ZNF234: variants seen among roughly 807,000 people sequenced by gnomAD.
The protein encoded by ZNF234 is zinc finger protein 234.
In ZNF234, 4 loss-of-function variants were observed where a neutral mutation model predicts 10.3. The ratio of observed to expected loss-of-function variants is 0.39; its 90% CI spans 0.19 to 0.89. The LOEUF (loss-of-function observed/expected upper bound fraction) is 0.89, where lower values mean the gene tolerates loss of function less well. ZNF234 is among the 40% of genes least tolerant of loss of function. The pLI is 0.38. For synonymous variants in ZNF234, 258 were observed against 280.1 expected (o/e 0.92, Z 0.79); for missense variants, 711 against 836.1 (o/e 0.85, Z 1.85).
At position 44,157,935 on chromosome 19, in the gene ZNF234, A is replaced by G; in HGVS notation, c.1919A>G (p.Gln640Arg). ...GKVFSRSSQL[Q>R]YHRRVHTGEK... ...GTCTTCAGTCGGTCTTCACAATTACAGTATCATAGGCGAGTTCACACTGGG... is the reference window on the plus strand; with the variant it reads ...GTCTTCAGTCGGTCTTCACAATTACGGTATCATAGGCGAGTTCACACTGGG... Residue 640 changes from glutamine to arginine, a missense_variant, in exon 6 of 6, where the codon CAG becomes CGG. Transcript: ENST00000426739. The G allele has an allele frequency of 6.2e-7, 1 of 1,614,072 alleles. No individual in the cohort carries two copies. The highest frequency in any genetic ancestry group is 8.5e-7 in the Non-Finnish European group (1 of 1,179,978).
Position 44,156,416 on chromosome 19 carries a change from G to A in ZNF234, c.400G>A (p.Val134Ile), listed in dbSNP as rs140461763. Residue 134 changes from valine to isoleucine, a missense_variant, in exon 6 of 6, where the codon GTT (valine) becomes ATT (isoleucine). Coordinates refer to ENST00000426739, the MANE Select transcript of ZNF234 (RefSeq NM_006630.3). The part of the protein sequence containing the change: ...FPRQGDLSCQ[V>I]RAGLYTTHTG... ...CAGACAAGGTGATTTGTCCTGCCAG[G>A]TTAGGGCAGGACTATATACAACTCA... is the stretch of plus-strand genomic sequence containing the variant. The A allele has an allele frequency of 6.8e-6, 11 of 1,613,540 alleles. No individual in the cohort carries two copies. The highest frequency in any genetic ancestry group is 2.7e-5 in the African/African-American group (2 of 75,004).
intron 5 of ZNF234, among the ~76,000 whole-genome samples, chr19:44,151,718 G>C (rs1418092539): frequency 6.6e-6 from 1 of 152,100 alleles, no homozygotes; most frequent in Non-Finnish European, 1.5e-5. Flanking sequence ...AAATTTCATA[G>C]CTTGTGGCCC....
Position 44,158,468 on chromosome 19 carries a change from T to C in ZNF234, c.*349T>C. 3.1e-6 allele frequency: 1 copy of C among 321,760 alleles called. No individual in the cohort carries two copies. Among genetic ancestry groups the C allele is most frequent in the Non-Finnish European group, 6.0e-6 (1 of 167,642 alleles). 19.9% of individuals were successfully genotyped at this position (321,760 alleles called of 1,614,324 possible). ...CATACTGGCCAGGCTGGTCTCAAAC[T>C]CCTGACCTCATGTGATCCACCCACC... On this transcript the variant is annotated 3_prime_UTR_variant, in exon 6 of 6. Coordinates refer to ENST00000426739, the MANE Select transcript of ZNF234 (RefSeq NM_006630.3).
In ZNF234 at chr19:44,144,572, T is replaced by A. The variant is rs369942749; in HGVS notation, c.-61T>A. On this transcript the variant is annotated 5_prime_UTR_variant, in exon 3 of 6. Coordinates refer to ENST00000426739, the MANE Select transcript of ZNF234 (RefSeq NM_006630.3). The stretch of plus-strand genomic sequence containing the variant: ...TCTTCCATAGTGTTCCAGGCACGAT[T>A]CTGCCTTCTCTCAAATGGCATAACT... 1.7e-5 allele frequency: 25 copies of A among 1,453,768 alleles called. No homozygotes were observed. The highest frequency in any genetic ancestry group is 2.3e-5 in the Non-Finnish European group (25 of 1,090,310). The allele number at this position is 1,453,768 out of a possible 1,614,324, so 90.1% of individuals were successfully genotyped here. A position where few individuals can be genotyped will look rare whatever the true frequency, so the allele number is the denominator to read the frequency against.
At chr19:44,150,655 T>C (rs1968718643) in intron 5 of ZNF234, 150 bp downstream of exon 5, 3 of 597,758 alleles carry the variant, frequency 5.0e-6, no homozygotes, top group Non-Finnish European at 8.9e-6. Context: ...GCATCCACCC[T>C]CAATAGTATA....
chr19:44,150,191 A>G (rs1239459134), intron 4 of ZNF234, among the ~76,000 whole-genome samples: 1 of 152,224 alleles, frequency 6.6e-6, no homozygotes, highest in African/African-American at 2.4e-5. Context: ...TACCTAAGGC[A>G]AGCGAACTAA....
At chr19:44,153,347 G>A (rs192613139) in intron 5 of ZNF234, among the ~76,000 whole-genome samples, 11 of 151,732 alleles carry the variant, frequency 7.2e-5, no homozygotes, top group African/African-American at 1.9e-4. Flanking sequence ...AGCAAGAAAC[G>A]CATTTTTCAT....
intron 2 of ZNF234, among the ~76,000 whole-genome samples, chr19:44,144,073 A>G (rs1242183069): frequency 2.0e-5 from 3 of 152,210 alleles, no homozygotes; most frequent in Non-Finnish European, 4.4e-5. Context: ...AGTAATCTTT[A>G]GGAACTTTGC....
In ZNF234 at chr19:44,144,674, T is replaced by C. The variant is rs150341793; in HGVS notation, c.15+27T>C. 8.8e-5 allele frequency: 135 copies of C among 1,531,590 alleles called. 1 individual carries two copies. The highest frequency in any genetic ancestry group is 5.3e-4 in the Middle Eastern group (3 of 5,694). 94.9% of individuals were successfully genotyped at this position (1,531,590 alleles called of 1,614,324 possible). A position where few individuals can be genotyped will look rare whatever the true frequency, so the allele number is the denominator to read the frequency against. On this transcript the variant is annotated intron_variant, in intron 3 of 5. Coordinates refer to ENST00000426739, the MANE Select transcript of ZNF234 (RefSeq NM_006630.3). ...TGAATAAGGCTTGCCACTCTTGCTG[T>C]TAAAATTCCATCTCACTATTCTCAT... is the stretch of plus-strand genomic sequence containing the variant.
intron 5 of ZNF234, among the ~76,000 whole-genome samples, chr19:44,152,746 A>AACTGCTTTCCTTTCAGCAC (rs1968774507): frequency 6.6e-6 from 1 of 152,142 alleles, no homozygotes; most frequent in Non-Finnish European, 1.5e-5. Flanking sequence ...CTAGGTTGCA[A>AACTGCTTTCCTTTCAGCAC]ACTGCTTTCC....
At chr19:44,148,656 AT>A (rs565776360) in intron 3 of ZNF234, 114 bp from the exon 4 acceptor site, 1,482 of 1,429,276 alleles carry the variant, frequency 1.0e-3, no homozygotes, top group Non-Finnish European at 1.1e-3. Context: ...AAATCTACAC[AT>A]TAAGTCTCTG....
At chr19:44,142,471 A>G (rs1232406742) in intron 2 of ZNF234, 104 bp downstream of exon 2, 2 of 152,216 alleles carry the variant, frequency 1.3e-5, no homozygotes, top group African/African-American at 4.8e-5. Flanking sequence ...GCTAACTTCA[A>G]TTCTAGGGGA....
rs1422050618 is a variant in ZNF234 at position 44,141,809 on chromosome 19, CG to C, written c.-131+78del. 2.6e-5 allele frequency: 4 copies of C among 152,232 alleles called. No individual in the cohort carries two copies. Among genetic ancestry groups the C allele is most frequent in the African/African-American group, 9.7e-5 (4 of 41,424 alleles). 9.4% of individuals were successfully genotyped at this position (152,232 alleles called of 1,614,324 possible). ...GGGCTGGGGCTCCCCTCGTGTCCCG[CG>C]GCGGGAGGCGGGGGGCATTGGGACT... On this transcript the variant is annotated intron_variant, in intron 1 of 5. Coordinates refer to ENST00000426739, the MANE Select transcript of ZNF234 (RefSeq NM_006630.3). The surrounding 1 kb of genome is among the most constrained non-coding windows in gnomAD (Gnocchi z 4.6).
At chr19:44,153,187 T>TATATATATATATATATAG in intron 5 of ZNF234, among the ~76,000 whole-genome samples, 1 of 146,008 alleles carries the variant, frequency 6.8e-6, no homozygotes, top group African/African-American at 2.5e-5. Context: ...TATATATATA[T>TATATATATATATATATAG]ATATGCGCCA....
At position 44,157,186 on chromosome 19, in the gene ZNF234, T is replaced by C. The variant is rs1376461923; in HGVS notation, c.1170T>C (p.His390=). 6.2e-7 allele frequency: 1 copy of C among 1,614,156 alleles called. No homozygotes were observed. Among genetic ancestry groups the C allele is most frequent in the South Asian group, 1.1e-5 (1 of 91,084 alleles). ...TTTACAGTTCAAGTTTTCAGGCCCA[T>C]CAGGGAGTCCACACTGGAGAGAAGC... ...GFIYSSSFQA[H]QGVHTGEKPY... The change falls in exon 6 of 6, where the codon CAT becomes CAC. Residue 390 remains histidine (H), a synonymous_variant. Transcript: ENST00000426739.
intron 3 of ZNF234, among the ~76,000 whole-genome samples, chr19:44,145,809 T>C (rs889677708): frequency 6.6e-5 from 10 of 152,250 alleles, no homozygotes; most frequent in African/African-American, 2.4e-4. Flanking sequence ...TGTGCCTCGA[T>C]CATACTTTGT....
intron 2 of ZNF234, 80 bp from the exon 3 acceptor site, chr19:44,144,477 G>A (rs1002946174): frequency 7.9e-6 from 4 of 509,422 alleles, no homozygotes; most frequent in African/African-American, 3.9e-5. Context: ...GACCATTCGT[G>A]TGCTAATTCA....
At position 44,158,203 on chromosome 19, in the gene ZNF234, C is replaced by A; in HGVS notation, c.*84C>A. The A allele has an allele frequency of 7.3e-7, 1 of 1,374,628 alleles. No individual in the cohort carries two copies. The highest frequency in any genetic ancestry group is 1.0e-6 in the Non-Finnish European group (1 of 977,178). 85.2% of individuals were successfully genotyped at this position (1,374,628 alleles called of 1,614,324 possible). A position where few individuals can be genotyped will look rare whatever the true frequency, so the allele number is the denominator to read the frequency against. ...GGAGGGAAAAATTTTCTTTATCAAC[C>A]TCTTTGAATTTATTTGATTTGTAAC... On this transcript the variant is annotated 3_prime_UTR_variant, in exon 6 of 6. Coordinates refer to ENST00000426739, the MANE Select transcript of ZNF234 (RefSeq NM_006630.3).
In ZNF234 at chr19:44,159,586, A is replaced by G; in HGVS notation, c.*1467A>G. On this transcript the variant is annotated 3_prime_UTR_variant, in exon 6 of 6. Coordinates refer to ENST00000426739, the MANE Select transcript of ZNF234 (RefSeq NM_006630.3). ...ATTGAGTTTTTAATCCATTAATGTTAAGGCAGGGGTTTACTCTAACACTTT... is the reference window on the plus strand; with the variant it reads ...ATTGAGTTTTTAATCCATTAATGTTGAGGCAGGGGTTTACTCTAACACTTT... 1 of 463,668 alleles carries G rather than the reference A, an allele frequency of 2.2e-6. No homozygotes were observed. Among genetic ancestry groups the G allele is most frequent in the Non-Finnish European group, 4.5e-6 (1 of 223,028 alleles). 28.7% of individuals were successfully genotyped at this position (463,668 alleles called of 1,614,324 possible).
Sources: gnomAD v4.1 joint callset for allele counts (sites outside exome capture counted in the v4.1 genomes callset) on GRCh38, gnomAD v4.1.1 for gene constraint, Gnocchi (gnomAD v3.1) non-coding constraint, MANE v1.5 for transcripts, NCBI Gene and HGNC (gene_info 2026-07-23, HGNC 2026-07-21) for gene names.